Variants in DNAH12 observed in about 807,000 individuals in gnomAD.
DNAH12 encodes axonemal beta dynein heavy chain 12.
A neutral mutation model predicts 371.5 loss-of-function variants in DNAH12; 285 were observed. That is an observed-to-expected ratio of 0.77 (90% confidence interval 0.70 to 0.85). The LOEUF is 0.85. Among genes scored for constraint, DNAH12 ranks in the 40% least tolerant of loss-of-function variants. The pLI is 0.00. For synonymous variants in DNAH12, 1,200 were observed against 1,213.0 expected, an observed-to-expected ratio of 0.99 and a Z score of 0.22; for missense variants, 3,611 against 3,689.4, an observed-to-expected ratio of 0.98 and a Z score of 0.55.
At position 57,322,913 on chromosome 3, in the gene DNAH12, G is replaced by C. The variant is rs9857991; in HGVS notation, c.10383+94C>G. The stretch of plus-strand genomic sequence containing the variant: ...CCACTGCACTCCAGCCTGGGAGACA[G>C]AGTAAGACTCCGTCTCAAAACAAAC... On this transcript the variant is annotated intron_variant, in intron 64 of 73. Coordinates refer to ENST00000495027, the MANE Select transcript of DNAH12 (RefSeq NM_001366028.2). The C allele has an allele frequency of 0.018, 26,379 of 1,465,536 alleles. 3,745 individuals carry two copies. The African/African-American group carries it at 0.32, about 18-fold the overall frequency. 90.8% of individuals were successfully genotyped at this position (1,465,536 alleles called of 1,614,324 possible).
chr3:57,382,911 G>A, intron 49 of DNAH12, among the ~76,000 whole-genome samples: 1 of 152,320 alleles, frequency 6.6e-6, no homozygotes, highest in Admixed American at 6.5e-5. Flanking sequence ...AGATGCAAAT[G>A]CTGGAAAGCT....
chr3:57,428,590 G>A (rs1332743850), intron 34 of DNAH12, 43 bp downstream of exon 34: 2 of 1,509,544 alleles, frequency 1.3e-6, no homozygotes, highest in Non-Finnish European at 1.8e-6. Flanking sequence ...CAAGTTGAAT[G>A]GAAACAAAGA....
At position 57,327,303 on chromosome 3, in the gene DNAH12, T is replaced by C. The variant is rs549174163; in HGVS notation, c.9979-3684A>G. 4.0e-5 allele frequency among the ~76,000 whole-genome samples: 6 copies of C among 151,684 alleles called. No individual in the cohort carries two copies. The South Asian group carries it at 1.3e-3, about 32-fold the overall frequency. On this transcript the variant is annotated intron_variant, in intron 62 of 73. Coordinates refer to ENST00000495027, the MANE Select transcript of DNAH12 (RefSeq NM_001366028.2). ...ACCTATTCCAAAATTGACCACATAG[T>C]TGGAAGTAAAGCTCTCCTCAGCAAA...
intron 15 of DNAH12, 85 bp from the exon 16 acceptor site, chr3:57,470,721 C>A (rs1010022703): frequency 5.2e-6 from 6 of 1,144,462 alleles, no homozygotes; most frequent in African/African-American, 4.8e-5. Context: ...TACAATATGT[C>A]CTTGTATTTA....
chr3:57,502,935 C>T (rs1476507831), intron 9 of DNAH12, among the ~76,000 whole-genome samples: 3 of 152,212 alleles, frequency 2.0e-5, no homozygotes, highest in African/African-American at 4.8e-5. Context: ...CCGCCTCATC[C>T]TCCCAAAGTG....
rs1251433077 is a variant in DNAH12, at chr3:57,542,866, G to C, written c.5C>G (p.Ser2Ter). The C allele has an allele frequency of 1.3e-6, 2 of 1,585,996 alleles. No individual in the cohort carries two copies. The highest frequency in any genetic ancestry group is 3.8e-5 in the Admixed American group (2 of 53,002). The change falls in exon 2 of 74, where the codon TCA becomes TGA. Residue 2 changes from serine (S) to a stop codon, truncating the protein, a stop_gained. Coordinates refer to ENST00000495027, the MANE Select transcript of DNAH12 (RefSeq NM_001366028.2). LOFTEE classifies it high-confidence loss of function. The part of the protein sequence containing the change: M[S>*]DANKAAIAAE... ...TGCAATGGCAGCTTTGTTTGCATCT[G>C]ACATCTTGATCCCCTAAAGATTAAA... is the stretch of plus-strand genomic sequence containing the variant.
At chr3:57,468,667 T>C (rs2066274357) in intron 17 of DNAH12, 69 bp downstream of exon 17, 1 of 895,026 alleles carries the variant, frequency 1.1e-6, no homozygotes, top group East Asian at 3.3e-5. Context: ...CTTTATAATT[T>C]ATATATTAGG....
At chr3:57,483,766 T>C (rs1425342843) in intron 12 of DNAH12, among the ~76,000 whole-genome samples, 1 of 149,720 alleles carries the variant, frequency 6.7e-6, no homozygotes, top group African/African-American at 2.5e-5. Context: ...TGCAAAGTGG[T>C]GAAACCCTGT....
chr3:57,322,288 T>A (rs907312696), intron 65 of DNAH12, 55 bp downstream of exon 65: 8 of 1,447,762 alleles, frequency 5.5e-6, no homozygotes, highest in Non-Finnish European at 7.3e-6. Context: ...ATTTTACACT[T>A]CCATATTTGA....
At chr3:57,551,485 A>C in the DNAH12 span, among the ~76,000 whole-genome samples, 1 of 151,580 alleles carries the variant, frequency 6.6e-6, no homozygotes, top group Non-Finnish European at 1.5e-5. Flanking sequence ...GTTAGCCAGG[A>C]TGGTCTCAAT....
At chr3:57,518,537 G>GAAAAT (rs1247075362) in intron 4 of DNAH12, among the ~76,000 whole-genome samples, 5 of 151,052 alleles carry the variant, frequency 3.3e-5, no homozygotes, top group Non-Finnish European at 5.9e-5. Context: ...TCAAAAAAAA[G>GAAAAT]AAAAGAAAAG....
intron 24 of DNAH12, 71 bp downstream of exon 24, chr3:57,453,176 T>C: frequency 1.3e-6 from 2 of 1,481,964 alleles, no homozygotes; most frequent in Non-Finnish European, 1.8e-6. Context: ...GAAGAATACA[T>C]ATAGTACAAG....
At chr3:57,295,456 G>T in intron 73 of DNAH12, 69 bp downstream of exon 73, 3 of 1,310,780 alleles carry the variant, frequency 2.3e-6, no homozygotes, top group Admixed American at 2.6e-5. Context: ...CTTATTTTGG[G>T]GAGCAGTGTA....
chr3:57,413,350 ATAT>A (rs1468469391), intron 39 of DNAH12, among the ~76,000 whole-genome samples: 2 of 152,206 alleles, frequency 1.3e-5, no homozygotes, highest in East Asian at 1.9e-4. Flanking sequence ...TCTCTGTATG[ATAT>A]TATAATGATG....
chr3:57,358,878 G>A (rs958291557), intron 58 of DNAH12, among the ~76,000 whole-genome samples: 1 of 152,082 alleles, frequency 6.6e-6, no homozygotes, highest in Non-Finnish European at 1.5e-5. Context: ...TCCACCTCCT[G>A]GGTTCAAGCG....
intron 70 of DNAH12, among the ~76,000 whole-genome samples, chr3:57,300,629 T>C (rs990780501): frequency 1.3e-5 from 2 of 152,186 alleles, no homozygotes; most frequent in African/African-American, 2.4e-5. Flanking sequence ...CAAGATATGG[T>C]TGACCTATCA....
At chr3:57,456,951 C>T (rs2065918644) in intron 22 of DNAH12, among the ~76,000 whole-genome samples, 1 of 152,188 alleles carries the variant, frequency 6.6e-6, no homozygotes, top group Admixed American at 6.5e-5. Flanking sequence ...TGATATTCTA[C>T]TTTTCTCCCT....
At chr3:57,518,548 A>AAAAG (rs905099356) in intron 4 of DNAH12, among the ~76,000 whole-genome samples, 6 of 151,872 alleles carry the variant, frequency 4.0e-5, no homozygotes, top group African/African-American at 4.8e-5. Flanking sequence ...AAAAGAAAAG[A>AAAAG]AAAGAAAGAA....
chr3:57,411,526 CAAAAAA>C (rs57344840), intron 39 of DNAH12, among the ~76,000 whole-genome samples: 616 of 38,970 alleles, frequency 0.016, 1 homozygote, highest in African/African-American at 0.045. Flanking sequence ...GACACTGTCT[CAAAAAA>C]AAAAAAAAAA....
Sources: allele counts gnomAD v4.1 joint callset (sites outside exome capture counted in the v4.1 genomes callset), GRCh38; gene constraint gnomAD v4.1.1; transcripts MANE v1.5; gene names NCBI Gene and HGNC (gene_info 2026-07-23, HGNC 2026-07-21).